Variants in SCGN observed in about 807,000 individuals in gnomAD.
The protein encoded by SCGN is secretagogin, EF-hand calcium binding protein, also known as secretagogin.
In SCGN, 30 loss-of-function variants were observed where a neutral mutation model predicts 39.7. That is an observed-to-expected ratio of 0.76 (90% confidence interval 0.57 to 1.03). The LOEUF (loss-of-function observed/expected upper bound fraction) is 1.03, where lower values mean the gene tolerates loss of function less well. SCGN is among the 50% of genes least tolerant of loss of function. The pLI, the probability that SCGN is intolerant of heterozygous loss-of-function variation, is 0.00. For missense variants in SCGN, 353 were observed against 349.4 expected (o/e 1.01, Z -0.08); for synonymous variants, 106 against 114.1 (o/e 0.93, Z 0.45).
intron 10 of SCGN, among the ~76,000 whole-genome samples, chr6:25,696,598 G>T (rs1489195752): frequency 3.3e-5 from 5 of 152,106 alleles, no homozygotes; most frequent in Non-Finnish European, 7.3e-5. Flanking sequence ...CTTGTCCCGG[G>T]AATAAAATTA....
chr6:25,692,890 A>G (rs1759790109), intron 10 of SCGN, among the ~76,000 whole-genome samples: 1 of 151,460 alleles, frequency 6.6e-6, no homozygotes, highest in Admixed American at 6.6e-5. Flanking sequence ...ACTGATTGGA[A>G]TTTTTTTTTG....
intron 6 of SCGN, among the ~76,000 whole-genome samples, chr6:25,672,713 G>A (rs918541814): frequency 1.3e-5 from 2 of 152,180 alleles, no homozygotes; most frequent in Admixed American, 6.5e-5. Flanking sequence ...AGAGGGCTAT[G>A]ATGCAGAGGA....
At chr6:25,659,404 C>T (rs553383811) in intron 2 of SCGN, among the ~76,000 whole-genome samples, 5 of 152,182 alleles carry the variant, frequency 3.3e-5, no homozygotes, top group Non-Finnish European at 7.3e-5. Context: ...GGAAAGTGCA[C>T]TAGACCAGAT....
intron 10 of SCGN, among the ~76,000 whole-genome samples, chr6:25,700,929 G>T (rs1759903692): frequency 6.6e-6 from 1 of 152,200 alleles, no homozygotes; most frequent in Non-Finnish European, 1.5e-5. Context: ...CTTTACTATG[G>T]TTGCTAATAA....
chr6:25,685,006 G>A (rs1168410130), intron 7 of SCGN, among the ~76,000 whole-genome samples: 1 of 152,090 alleles, frequency 6.6e-6, no homozygotes, highest in African/African-American at 2.4e-5. Context: ...ATGGAAGAGG[G>A]AGGCAGAAGG....
At chr6:25,669,368 C>G in intron 4 of SCGN, 143 bp from the exon 5 acceptor site, 1 of 687,086 alleles carries the variant, frequency 1.5e-6, no homozygotes, top group Non-Finnish European at 2.4e-6. Context: ...ATTGCTCTCA[C>G]CAAAGAAAGC....
rs1759522191 is a variant in SCGN, at chr6:25,673,151, TC to T, written c.471+3079del. ...CATTTGTCTTTGGGACCCTGCTATC[TC>T]CCCTGTCAGTGTTTCTTATGACCCT... On this transcript the variant is annotated intron_variant, in intron 6 of 10. Transcript: ENST00000377961. Among the ~76,000 whole-genome samples, 3 of 152,176 alleles carry T rather than the reference TC, an allele frequency of 2.0e-5. No homozygotes were observed. In the South Asian group the frequency reaches 6.2e-4, roughly 31 times the overall value.
chr6:25,682,760 G>A (rs966581269), intron 7 of SCGN, among the ~76,000 whole-genome samples: 10 of 152,194 alleles, frequency 6.6e-5, no homozygotes, highest in Admixed American at 1.3e-4. Context: ...AGGCTGCAGC[G>A]CAGCAGCAGG....
chr6:25,657,680 C>A (rs567058361), intron 2 of SCGN, among the ~76,000 whole-genome samples: 1 of 148,438 alleles, frequency 6.7e-6, no homozygotes, highest in African/African-American at 2.5e-5. Flanking sequence ...ATATATATTA[C>A]GTGTATATAT....
Position 25,657,091 on chromosome 6 carries a change from C to T in SCGN, c.153+3639C>T, listed in dbSNP as rs920075287. ...GTACATGAACCCTCAAATGTAAGCA[C>T]ACACAAAATCTTTAGTGCTGAAACT... On this transcript the variant is annotated intron_variant, in intron 2 of 10. Coordinates refer to ENST00000377961, the MANE Select transcript of SCGN (RefSeq NM_006998.4). Among the ~76,000 whole-genome samples, 8 of 152,156 alleles carry T rather than the reference C, an allele frequency of 5.3e-5. No homozygotes were observed. The East Asian group carries it at 1.3e-3, about 26-fold the overall frequency.
At position 25,654,933 on chromosome 6, in the gene SCGN, G is replaced by A. The variant is rs115387495; in HGVS notation, c.153+1481G>A. Among the ~76,000 whole-genome samples the A allele has an allele frequency of 1.8e-3, 277 of 152,198 alleles. 1 individual carries two copies. The highest frequency in any genetic ancestry group is 6.6e-3 in the African/African-American group (272 of 41,504). On this transcript the variant is annotated intron_variant, in intron 2 of 10. Coordinates refer to ENST00000377961, the MANE Select transcript of SCGN (RefSeq NM_006998.4). ...ACACTCCTCTTTATCCTTCATTCTTGTACCTACACAAGCTACAGGTAGAGC... is the reference window on the plus strand; with the variant it reads ...ACACTCCTCTTTATCCTTCATTCTTATACCTACACAAGCTACAGGTAGAGC...
intron 3 of SCGN, 96 bp downstream of exon 3, chr6:25,661,740 A>G: frequency 2.4e-6 from 2 of 818,950 alleles, no homozygotes; most frequent in Non-Finnish European, 3.9e-6. Flanking sequence ...TTGAAAGACA[A>G]TGGAAACTTT....
At chr6:25,686,848 A>T (rs1282974049) in intron 7 of SCGN, among the ~76,000 whole-genome samples, 1 of 152,132 alleles carries the variant, frequency 6.6e-6, no homozygotes, top group Non-Finnish European at 1.5e-5. Flanking sequence ...GTTTTATGTA[A>T]ATCCTTTTCA....
chr6:25,661,708 T>A lies in SCGN; in HGVS notation c.246+64T>A. 3 of 1,095,990 alleles carry A rather than the reference T, an allele frequency of 2.7e-6. No individual in the cohort carries two copies. In the East Asian group the frequency reaches 7.3e-5, roughly 27 times the overall value. 67.9% of individuals were successfully genotyped at this position (1,095,990 alleles called of 1,614,324 possible). A position where few individuals can be genotyped will look rare whatever the true frequency, so the allele number is the denominator to read the frequency against. On this transcript the variant is annotated intron_variant, in intron 3 of 10. Coordinates refer to ENST00000377961, the MANE Select transcript of SCGN (RefSeq NM_006998.4). ...CTTGACTGTTTTTTTCTTTACTTTA[T>A]CGTCTTGGGCTGTAATATTCTTTGA...
intron 4 of SCGN, among the ~76,000 whole-genome samples, chr6:25,667,267 CT>C (rs915088896): frequency 1.6e-4 from 25 of 152,016 alleles, no homozygotes; most frequent in African/African-American, 5.8e-4. Context: ...CTTATCTTAT[CT>C]TTTTTTTAAA....
chr6:25,652,488 G>A lies in SCGN; in HGVS notation c.82+3G>A, dbSNP rs755777628. On this transcript the variant is annotated splice_donor_region_variant and intron_variant, in intron 1 of 10. Transcript: ENST00000377961. ...CTGGCAGCGCTTTGATGCGGATGGT[G>A]AGTAGAACAAGCCACTTGCACACTC... is the stretch of plus-strand genomic sequence containing the variant. 1 of 1,613,562 alleles carries A rather than the reference G, an allele frequency of 6.2e-7. No individual in the cohort carries two copies. Among genetic ancestry groups the A allele is most frequent in the African/African-American group, 1.3e-5 (1 of 74,928 alleles).
intron 4 of SCGN, 88 bp downstream of exon 4, chr6:25,665,120 C>A: frequency 2.0e-6 from 2 of 996,492 alleles, no homozygotes; most frequent in Non-Finnish European, 3.1e-6. Context: ...ACCACTCCTG[C>A]CCAGTGCTCA....
chr6:25,674,875 A>G (rs539678068), intron 6 of SCGN, among the ~76,000 whole-genome samples: 1 of 152,328 alleles, frequency 6.6e-6, no homozygotes, highest in South Asian at 2.1e-4. Flanking sequence ...GAAAGATTTA[A>G]CTGTCTGGAT....
At chr6:25,671,657 T>C (rs947065524) in intron 6 of SCGN, among the ~76,000 whole-genome samples, 6 of 152,040 alleles carry the variant, frequency 3.9e-5, no homozygotes, top group African/African-American at 1.4e-4. Flanking sequence ...AAGTGGGAAA[T>C]CCCCCAGCAG....
Sources: gnomAD v4.1 joint callset for allele counts (sites outside exome capture counted in the v4.1 genomes callset) on GRCh38, gnomAD v4.1.1 for gene constraint, MANE v1.5 for transcripts, NCBI Gene and HGNC (gene_info 2026-07-23, HGNC 2026-07-21) for gene names.